Variants in CTNNA3 observed in about 807,000 individuals in gnomAD.
The protein encoded by CTNNA3 is catenin alpha-3.
A neutral mutation model predicts 95.7 loss-of-function variants in CTNNA3; 76 were observed. That is an observed-to-expected ratio of 0.79 (90% CI 0.66 to 0.96). The LOEUF (loss-of-function observed/expected upper bound fraction) is 0.96, where lower values mean the gene tolerates loss of function less well. CTNNA3 is among the 40% of genes least tolerant of loss of function. The pLI is 0.00. For missense variants in CTNNA3, 1,191 were observed against 1,089.8 expected (o/e 1.09, Z -1.31); for synonymous variants, 431 against 374.4 (o/e 1.15, Z -1.74).
At chr10:66,769,389 A>G (rs1487881212) in intron 8 of CTNNA3, among the ~76,000 whole-genome samples, 3 of 152,124 alleles carry the variant, frequency 2.0e-5, no homozygotes, top group East Asian at 3.9e-4. Flanking sequence ...AACTAATTCA[A>G]CCAACCCACA....
intron 7 of CTNNA3, among the ~76,000 whole-genome samples, chr10:66,787,063 T>C (rs147003933): frequency 3.2e-4 from 48 of 152,220 alleles, no homozygotes; most frequent in Middle Eastern, 6.8e-3. Context: ...TAAGTTCCTT[T>C]TTTCCTGCAA....
At chr10:66,931,410 T>C (rs1847384052) in intron 7 of CTNNA3, among the ~76,000 whole-genome samples, 1 of 152,198 alleles carries the variant, frequency 6.6e-6, no homozygotes, top group South Asian at 2.1e-4. Context: ...CAAGATATAT[T>C]GCATTGAAAT....
rs943348855 is a variant in CTNNA3, at chr10:67,291,771, C to T, written c.580-71901G>A. Among the ~76,000 whole-genome samples, 16 of 152,120 alleles carry T rather than the reference C, an allele frequency of 1.1e-4. 1 individual carries two copies. Among genetic ancestry groups the T allele is most frequent in the East Asian group, 5.8e-4 (3 of 5,190 alleles). On this transcript the variant is annotated intron_variant, in intron 5 of 17. Coordinates refer to ENST00000433211, the MANE Select transcript of CTNNA3 (RefSeq NM_013266.4). ...GATTTACTAGTGTTAACACAGCTTT[C>T]TATGAAAAATGAAAGATAAAAGTTG... is the stretch of plus-strand genomic sequence containing the variant.
chr10:67,149,012 C>T (rs1432582542), intron 7 of CTNNA3, among the ~76,000 whole-genome samples: 2 of 152,126 alleles, frequency 1.3e-5, no homozygotes, highest in African/African-American at 4.8e-5. Context: ...AAATTCAGCC[C>T]TCCACTGTGA....
intron 1 of CTNNA3, among the ~76,000 whole-genome samples, chr10:67,742,639 A>T (rs1841347267): frequency 6.6e-6 from 1 of 151,204 alleles, no homozygotes; most frequent in Admixed American, 6.6e-5. Context: ...GAAGGCAAGA[A>T]ATAACTAAGA....
chr10:66,180,238 C>T (rs10996956), intron 13 of CTNNA3, among the ~76,000 whole-genome samples: 26,766 of 151,962 alleles, frequency 0.18, 2,555 homozygotes, highest in Admixed American at 0.25. Flanking sequence ...TTTCAAAAGC[C>T]GAAAATGAGC....
intron 6 of CTNNA3, among the ~76,000 whole-genome samples, chr10:67,208,816 G>A (rs60866953): frequency 7.3e-6 from 1 of 137,748 alleles, no homozygotes; most frequent in African/African-American, 2.8e-5. Flanking sequence ...TATTCCTTAT[G>A]AAATTAATTA....
At position 67,550,829 on chromosome 10, in the gene CTNNA3, A is replaced by T. The variant is rs193275068; in HGVS notation, c.293-11160T>A. Among the ~76,000 whole-genome samples, 187 of 152,270 alleles carry T rather than the reference A, an allele frequency of 1.2e-3. 1 individual carries two copies. Among genetic ancestry groups the T allele is most frequent in the African/African-American group, 4.3e-3 (177 of 41,568 alleles). On this transcript the variant is annotated intron_variant, in intron 3 of 17. Coordinates refer to ENST00000433211, the MANE Select transcript of CTNNA3 (RefSeq NM_013266.4). ...TCACTGCTGTGTTCATATTTTATAT[A>T]TTTTAGTGTGAAGATTTATCACGTC...
At chr10:66,815,091 A>AT (rs1842025899) in intron 7 of CTNNA3, among the ~76,000 whole-genome samples, 1 of 152,070 alleles carries the variant, frequency 6.6e-6, no homozygotes, top group African/African-American at 2.4e-5. Context: ...CCAAATTAAT[A>AT]TTTTATATAC....
chr10:67,033,713 G>A (rs1038254504), intron 7 of CTNNA3, among the ~76,000 whole-genome samples: 4 of 152,158 alleles, frequency 2.6e-5, no homozygotes, highest in African/African-American at 9.7e-5. Context: ...GTGGAACTCA[G>A]ATTCAAACCC....
At chr10:66,593,043 C>T (rs181340927) in intron 10 of CTNNA3, among the ~76,000 whole-genome samples, 271 of 151,888 alleles carry the variant, frequency 1.8e-3, no homozygotes, top group Middle Eastern at 0.01. Flanking sequence ...ATTTATAAGA[C>T]GGAAAGGAAA....
At chr10:65,973,647 G>T (rs1480087818) in intron 16 of CTNNA3, among the ~76,000 whole-genome samples, 1 of 152,074 alleles carries the variant, frequency 6.6e-6, no homozygotes, top group Non-Finnish European at 1.5e-5. Flanking sequence ...GCATTGCGTT[G>T]GCATCCACTT....
At chr10:67,462,910 CTT>C (rs776462420) in intron 5 of CTNNA3, among the ~76,000 whole-genome samples, 6 of 143,950 alleles carry the variant, frequency 4.2e-5, no homozygotes, top group Non-Finnish European at 3.1e-5. Flanking sequence ...TTTTCTTTTT[CTT>C]TTTTTTTTTT....
intron 13 of CTNNA3, among the ~76,000 whole-genome samples, chr10:66,119,505 T>C (rs1281724330): frequency 2.0e-5 from 3 of 152,216 alleles, no homozygotes; most frequent in African/African-American, 4.8e-5. Flanking sequence ...CAGACAAATG[T>C]ATACATATAT....
At chr10:65,983,086 T>G (rs1219000713) in intron 16 of CTNNA3, among the ~76,000 whole-genome samples, 1 of 151,726 alleles carries the variant, frequency 6.6e-6, no homozygotes, top group Non-Finnish European at 1.5e-5. Context: ...TTTCTTTACT[T>G]TGGTTTTTAA....
intron 10 of CTNNA3, among the ~76,000 whole-genome samples, chr10:66,613,044 T>G (rs899014396): frequency 6.6e-6 from 1 of 152,096 alleles, no homozygotes; most frequent in South Asian, 2.1e-4. Flanking sequence ...CACAGATCCT[T>G]TATGTTAATG....
At chr10:66,855,943 T>C (rs1313368190) in intron 7 of CTNNA3, among the ~76,000 whole-genome samples, 2 of 152,006 alleles carry the variant, frequency 1.3e-5, no homozygotes, top group African/African-American at 4.8e-5. Context: ...TTTTAACTTT[T>C]ATTTTGAGTT....
intron 3 of CTNNA3, among the ~76,000 whole-genome samples, chr10:67,598,259 C>G (rs1842982945): frequency 6.6e-6 from 1 of 152,140 alleles, no homozygotes; most frequent in East Asian, 1.9e-4. Flanking sequence ...CCAAACAGCT[C>G]TCCTTGTCAG....
In CTNNA3 at chr10:66,153,252, T is replaced by A. The variant is rs941957783; in HGVS notation, c.1885-50003A>T. On this transcript the variant is annotated intron_variant, in intron 13 of 17. Transcript: ENST00000433211. ...TTTTATTAAGCATAGATTTATTGGC[T>A]GATTTATAGTCTTTATCTGAAATTT... is the stretch of plus-strand genomic sequence containing the variant. Among the ~76,000 whole-genome samples the A allele has an allele frequency of 2.6e-5, 4 of 152,124 alleles. No individual in the cohort carries two copies. The East Asian group carries it at 7.7e-4, about 29-fold the overall frequency.
Sources: gnomAD v4.1 joint callset for allele counts (sites outside exome capture counted in the v4.1 genomes callset) on GRCh38, gnomAD v4.1.1 for gene constraint, MANE v1.5 for transcripts, NCBI Gene and HGNC (gene_info 2026-07-23, HGNC 2026-07-21) for gene names.